Variants in PDIA6 observed in about 807,000 individuals in gnomAD.
PDIA6 encodes the protein protein disulfide isomerase family A member 6, also known as protein disulfide-isomerase A6.
PDIA6 carries 29 observed loss-of-function variants against 58.4 expected under a neutral mutation model. The observed-to-expected ratio is 0.50, with a 90% CI of 0.37 to 0.68. PDIA6 has a LOEUF of 0.68. Among genes scored for constraint, PDIA6 ranks in the 30% least tolerant of loss-of-function variants. PDIA6 has a pLI of 0.00. For missense variants in PDIA6, 480 were observed against 551.0 expected, an observed-to-expected ratio of 0.87 and a Z score of 1.29; for synonymous variants, 192 against 202.6, an observed-to-expected ratio of 0.95 and a Z score of 0.44.
At chr2:10,816,655 G>T (rs565978247), upstream of PDIA6, among the ~76,000 whole-genome samples, 4 of 151,394 alleles carry the variant, frequency 2.6e-5, no homozygotes, top group Non-Finnish European at 5.9e-5. Context: ...ATGCCCTCTT[G>T]CCAGGAAGAC....
At chr2:10,793,228 C>A (rs761520278) in intron 4 of PDIA6, 26 bp from the exon 5 acceptor site, 1 of 1,545,802 alleles carries the variant, frequency 6.5e-7, no homozygotes, top group South Asian at 1.1e-5. Flanking sequence ...GGTAGGCGGT[C>A]CTCAGCCCGG....
intron 1 of PDIA6, among the ~76,000 whole-genome samples, chr2:10,803,072 A>G (rs944065557): frequency 6.6e-6 from 1 of 152,214 alleles, no homozygotes; most frequent in African/African-American, 2.4e-5. Flanking sequence ...TTATTAGCAC[A>G]TTATCTTTAT....
At chr2:10,820,825 G>T (rs61360105) in intron 1 of PDIA6, 2 of 702,946 alleles carry the variant, frequency 2.8e-6, no homozygotes, top group Admixed American at 2.0e-5. Flanking sequence ...GCCAGTGGTC[G>T]GCACACCCAC....
chr2:10,786,344 C>T (rs957005619), intron 11 of PDIA6, among the ~76,000 whole-genome samples: 4 of 151,916 alleles, frequency 2.6e-5, no homozygotes, highest in African/African-American at 9.7e-5. Context: ...CACCCATTAA[C>T]CATATTAACC....
At chr2:10,796,140 G>A (rs1435415517) in intron 4 of PDIA6, among the ~76,000 whole-genome samples, 2 of 147,796 alleles carry the variant, frequency 1.4e-5, no homozygotes, top group African/African-American at 2.6e-5. Flanking sequence ...TGCAAGCTCC[G>A]CCTTCCGGGT....
intron 1 of PDIA6, among the ~76,000 whole-genome samples, chr2:10,830,911 C>G (rs1037215214): frequency 1.3e-5 from 2 of 152,186 alleles, no homozygotes; most frequent in African/African-American, 4.8e-5. Context: ...GCCACGTCAG[C>G]TTTTCAGAAC....
rs1258362104 is a variant in PDIA6 at position 10,794,478 on chromosome 2, T to C, written c.347-1276A>G. 5.0e-4 allele frequency among the ~76,000 whole-genome samples: 70 copies of C among 140,658 alleles called. 1 individual carries two copies. In the South Asian group the frequency reaches 5.7e-3, roughly 11 times the overall value. 92.3% of individuals were successfully genotyped at this position (140,658 alleles called of 152,430 possible). ...AAAAAAAAAATCTTTCTTTTTTTTTTTTTTTTTTTTTAGAGTTTTCTCAAA... is the reference window on the plus strand; with the variant it reads ...AAAAAAAAAATCTTTCTTTTTTTTTCTTTTTTTTTTTAGAGTTTTCTCAAA... On this transcript the variant is annotated intron_variant, in intron 4 of 12. Transcript: ENST00000272227.
intron 1 of PDIA6, among the ~76,000 whole-genome samples, chr2:10,824,218 G>A (rs1667485306): frequency 6.6e-6 from 1 of 151,114 alleles, no homozygotes; most frequent in Non-Finnish European, 1.5e-5. Context: ...CCAGTCATGG[G>A]GAGTGTTGAC....
At chr2:10,815,204 A>C (rs1202370098), upstream of PDIA6, among the ~76,000 whole-genome samples, 1 of 152,202 alleles carries the variant, frequency 6.6e-6, no homozygotes, top group Non-Finnish European at 1.5e-5. Flanking sequence ...GGAAATGCAC[A>C]GGCTTCCGGA....
At chr2:10,795,169 G>A (rs1666213896) in intron 4 of PDIA6, among the ~76,000 whole-genome samples, 1 of 152,070 alleles carries the variant, frequency 6.6e-6, no homozygotes, top group Admixed American at 6.6e-5. Flanking sequence ...AAGTATACTA[G>A]GAAAAAAACT....
chr2:10,836,860 G>T (rs969112145), upstream of PDIA6, among the ~76,000 whole-genome samples: 1 of 152,158 alleles, frequency 6.6e-6, no homozygotes, highest in Non-Finnish European at 1.5e-5. Context: ...TAGCAGACAG[G>T]GTTATGGGGA....
Position 10,787,339 on chromosome 2 carries a change from T to C in PDIA6, c.1099A>G (p.Met367Val). ...PAMAAINARKMKFALLKGSFS... is the reference protein window; with the variant it reads ...PAMAAINARKVKFALLKGSFS... ...GAGCCTTTTAGCAGAGCAAATTTCA[T>C]CTTGCGTGCATTGATGGCGGCCATG... Residue 367 changes from methionine (M) to valine (V), a missense_variant, in exon 11 of 13, where the codon ATG (methionine) becomes GTG (valine). Met to Val is a conservative substitution (Grantham distance 21). Transcript: ENST00000272227. 1.2e-6 allele frequency: 2 copies of C among 1,614,188 alleles called. No homozygotes were observed. The highest frequency in any genetic ancestry group is 1.7e-6 in the Non-Finnish European group (2 of 1,180,042).
At chr2:10,813,241 A>T (rs1667087673), upstream of PDIA6, among the ~76,000 whole-genome samples, 1 of 152,214 alleles carries the variant, frequency 6.6e-6, no homozygotes, top group Non-Finnish European at 1.5e-5. Context: ...CCGTGGACAC[A>T]CATTTGCTCC....
chr2:10,837,598 A>G (rs1558469968), exon 1 of PDIA6: 4 of 931,424 alleles, frequency 4.3e-6, no homozygotes, highest in Non-Finnish European at 6.7e-6. Context: ...GGCTGTGATT[A>G]TCCTCATTTT....
At chr2:10,832,016 CAA>C (rs59417410) in intron 1 of PDIA6, among the ~76,000 whole-genome samples, 17 of 81,354 alleles carry the variant, frequency 2.1e-4, no homozygotes, top group Admixed American at 6.7e-4. Flanking sequence ...GACCCTGTCT[CAA>C]AAAAAAAAAA....
Position 10,790,772 on chromosome 2 carries a change from T to A in PDIA6, c.646A>T (p.Lys216Ter). ...ACTGTAGCATCCACAGCTGCCAGTT[T>A]CACTTTTCCTTTCGTCTGCTCTTTT... ...EVKEQTKGKVKLAAVDATVNQ... is the reference protein window; with the variant it reads ...EVKEQTKGKV Residue 216 changes from lysine to a stop codon, truncating the protein, a stop_gained, in exon 7 of 13, where the codon AAA becomes TAA. Transcript: ENST00000272227. LOFTEE classifies it high-confidence loss of function. 1 of 1,614,234 alleles carries A rather than the reference T, an allele frequency of 6.2e-7. No individual in the cohort carries two copies. Among genetic ancestry groups the A allele is most frequent in the Non-Finnish European group, 8.5e-7 (1 of 1,180,030 alleles).
At chr2:10,788,569 A>AC in intron 10 of PDIA6, 128 bp downstream of exon 10, 1 of 225,844 alleles carries the variant, frequency 4.4e-6, no homozygotes. Flanking sequence ...GGCAGGAGGG[A>AC]AAAAAAAAAA....
chr2:10,785,645 A>C (rs1209542189), intron 11 of PDIA6, among the ~76,000 whole-genome samples: 3 of 152,230 alleles, frequency 2.0e-5, no homozygotes, highest in African/African-American at 7.2e-5. Context: ...TTAGAAAAAA[A>C]AATTACAGGA....
upstream of PDIA6, among the ~76,000 whole-genome samples, chr2:10,817,486 G>C (rs12623588): frequency 0.27 from 41,101 of 152,144 alleles, 5,836 homozygotes; most frequent in Non-Finnish European, 0.3. Context: ...TGCAAGCAAT[G>C]AAAATCAAAG....
Sources: allele counts gnomAD v4.1 joint callset (sites outside exome capture counted in the v4.1 genomes callset), GRCh38; gene constraint gnomAD v4.1.1; transcripts MANE v1.5; gene names NCBI Gene and HGNC (gene_info 2026-07-23, HGNC 2026-07-21).